The following PPARGC1A variants were observed in gnomAD, a reference collection of about 807,000 sequenced individuals.
The protein encoded by PPARGC1A is PPARG coactivator 1 alpha.
A neutral mutation model predicts 88.7 loss-of-function variants in PPARGC1A; 25 were observed. That is an observed-to-expected ratio of 0.28 (90% CI 0.21 to 0.39). PPARGC1A has a LOEUF of 0.39. Ranked by LOEUF, PPARGC1A falls within the 10% of genes least tolerant of loss-of-function variation. The pLI is 1.00. For synonymous variants in PPARGC1A, 363 were observed against 355.6 expected (o/e 1.02, Z -0.24); for missense variants, 880 against 968.7 (o/e 0.91, Z 1.22).
At chr4:24,090,659 A>T in the PPARGC1A span, among the ~76,000 whole-genome samples, 2 of 152,202 alleles carry the variant, frequency 1.3e-5, no homozygotes, top group Non-Finnish European at 2.9e-5. Flanking sequence ...CAGCATTATT[A>T]AAAAAGAAAC....
chr4:24,213,349 G>A, the PPARGC1A span, among the ~76,000 whole-genome samples: 1 of 151,884 alleles, frequency 6.6e-6, no homozygotes, highest in Non-Finnish European at 1.5e-5. Flanking sequence ...TGTATTTTTA[G>A]TAGAGACGGG....
At chr4:24,077,580 T>A in the PPARGC1A span, among the ~76,000 whole-genome samples, 2 of 151,638 alleles carry the variant, frequency 1.3e-5, no homozygotes, top group Non-Finnish European at 2.9e-5. Context: ...TAGTAGATTT[T>A]CTTTAGCCCA....
chr4:24,331,639 G>A, the PPARGC1A span, among the ~76,000 whole-genome samples: 1 of 152,122 alleles, frequency 6.6e-6, no homozygotes, highest in East Asian at 1.9e-4. Context: ...CCACCATGGA[G>A]CAGTTGTGCT....
the PPARGC1A span, among the ~76,000 whole-genome samples, chr4:24,166,547 G>C: frequency 2.0e-5 from 3 of 152,306 alleles, no homozygotes; most frequent in South Asian, 6.2e-4. Context: ...GAGGTTAGTG[G>C]AGTTGGTGAC....
the PPARGC1A span, among the ~76,000 whole-genome samples, chr4:24,361,930 A>G: frequency 6.6e-6 from 1 of 152,174 alleles, no homozygotes; most frequent in Admixed American, 6.5e-5. Context: ...ATACAAATCC[A>G]TTGTCTGAAA....
At chr4:23,886,669 G>C (rs537023771) in intron 1 of PPARGC1A, among the ~76,000 whole-genome samples, 1 of 151,996 alleles carries the variant, frequency 6.6e-6, no homozygotes, top group Non-Finnish European at 1.5e-5. Context: ...AAGAGATCTC[G>C]TTCTGGTACA....
chr4:24,302,048 C>T, the PPARGC1A span, among the ~76,000 whole-genome samples: 1 of 152,158 alleles, frequency 6.6e-6, no homozygotes, highest in Non-Finnish European at 1.5e-5. Flanking sequence ...CGTTTCCCCC[C>T]AAGTTGTTCT....
the PPARGC1A span, among the ~76,000 whole-genome samples, chr4:24,156,580 T>G: frequency 1.3e-5 from 2 of 152,174 alleles, no homozygotes; most frequent in Non-Finnish European, 2.9e-5. Context: ...TTTTTTGCTC[T>G]CTGAATAAAT....
the PPARGC1A span, among the ~76,000 whole-genome samples, chr4:24,353,135 G>T: frequency 6.6e-6 from 1 of 151,702 alleles, no homozygotes; most frequent in Non-Finnish European, 1.5e-5. Flanking sequence ...CCAAAATCTG[G>T]CTTAATGCAG....
the PPARGC1A span, among the ~76,000 whole-genome samples, chr4:24,469,124 C>CTTACATATTGGTAA: frequency 6.6e-6 from 1 of 152,180 alleles, no homozygotes; most frequent in Non-Finnish European, 1.5e-5. Flanking sequence ...ATTTTGGCAG[C>CTTACATATTGGTAA]AATCAGGGTA....
the PPARGC1A span, among the ~76,000 whole-genome samples, chr4:24,123,733 C>T: frequency 7.9e-5 from 12 of 152,120 alleles, no homozygotes; most frequent in East Asian, 2.3e-3. Context: ...AGTCATTCTG[C>T]TTAAACCTGG....
Position 23,799,262 on chromosome 4 carries a change from G to A in PPARGC1A, c.2293+2468C>T, listed in dbSNP as rs536963109. On this transcript the variant is annotated intron_variant, in intron 12 of 12. Coordinates refer to ENST00000264867, the MANE Select transcript of PPARGC1A (RefSeq NM_013261.5). The stretch of plus-strand genomic sequence containing the variant: ...AGTTCCAAAGCTGATTCCTAGAGTC[G>A]ATTCTTCCATTTTAAAACGACTTTA... Among the ~76,000 whole-genome samples, 62 of 152,174 alleles carry A rather than the reference G, an allele frequency of 4.1e-4. 1 individual carries two copies. The highest frequency in any genetic ancestry group is 6.8e-3 in the Middle Eastern group (2 of 294).
the PPARGC1A span, among the ~76,000 whole-genome samples, chr4:24,301,606 A>G: frequency 7.8e-6 from 1 of 128,290 alleles, no homozygotes; most frequent in African/African-American, 3.3e-5. Context: ...CCCCACACCT[A>G]TTGCCAAAAA....
the PPARGC1A span, among the ~76,000 whole-genome samples, chr4:24,027,217 GTCTGTGTGTCTGTGTGTGTC>G: frequency 4.0e-3 from 593 of 148,834 alleles, 3 homozygotes; most frequent in African/African-American, 0.014. Flanking sequence ...GTGTGTGTGT[GTCTGTGTGTCTGTGTGTGTC>G]TGTGTGTGTG....
At chr4:24,432,300 G>A in the PPARGC1A span, among the ~76,000 whole-genome samples, 1 of 152,196 alleles carries the variant, frequency 6.6e-6, no homozygotes, top group Non-Finnish European at 1.5e-5. Flanking sequence ...CCTGCCATGG[G>A]TGATAAGGAT....
At chr4:24,458,616 A>G in the PPARGC1A span, among the ~76,000 whole-genome samples, 1 of 152,196 alleles carries the variant, frequency 6.6e-6, no homozygotes, top group African/African-American at 2.4e-5. Context: ...ATCTTTTCAG[A>G]GAGGCAATTA....
the PPARGC1A span, among the ~76,000 whole-genome samples, chr4:24,047,951 G>T: frequency 6.6e-6 from 1 of 152,102 alleles, no homozygotes; most frequent in African/African-American, 2.4e-5. Flanking sequence ...TGCCTTTTCT[G>T]GTTCAGCACC....
At chr4:24,283,164 T>TG in the PPARGC1A span, among the ~76,000 whole-genome samples, 1 of 152,208 alleles carries the variant, frequency 6.6e-6, no homozygotes, top group African/African-American at 2.4e-5. Context: ...GGTGGTGGTA[T>TG]TTGATCCAAA....
intron 10 of PPARGC1A, among the ~76,000 whole-genome samples, chr4:23,810,200 T>C (rs778868630): frequency 6.6e-6 from 1 of 152,218 alleles, no homozygotes; most frequent in African/African-American, 2.4e-5. Flanking sequence ...GTCCACTCTG[T>C]TGGTAAACAA....
Sources: gnomAD v4.1 joint callset for allele counts (sites outside exome capture counted in the v4.1 genomes callset) on GRCh38, gnomAD v4.1.1 for gene constraint, MANE v1.5 for transcripts, NCBI Gene and HGNC (gene_info 2026-07-23, HGNC 2026-07-21) for gene names.